Variants in RBPJ observed in about 807,000 individuals in gnomAD.
RBPJ encodes recombination signal binding protein for immunoglobulin kappa J region, also known as recombining binding protein suppressor of hairless.
Under a neutral mutation model 67.8 loss-of-function variants are expected in RBPJ, and 9 were observed. The ratio of observed to expected loss-of-function variants is 0.13; its 90% confidence interval spans 0.08 to 0.23. The LOEUF (loss-of-function observed/expected upper bound fraction) is 0.23. Ranked by LOEUF, RBPJ falls within the 10% of genes least tolerant of loss-of-function variation. RBPJ has a pLI of 1.00. For synonymous variants in RBPJ, 198 were observed against 203.3 expected (o/e 0.97, Z 0.22); for missense variants, 305 against 595.6 (o/e 0.51, Z 5.08).
At chr4:26,359,344 C>T (rs1244543566) in intron 1 of RBPJ, among the ~76,000 whole-genome samples, 2 of 151,678 alleles carry the variant, frequency 1.3e-5, no homozygotes, top group Non-Finnish European at 2.9e-5. Flanking sequence ...TAACCATTCC[C>T]CTGTGTTGGA....
At chr4:26,419,159 C>T (rs1237489997) in intron 4 of RBPJ, among the ~76,000 whole-genome samples, 1 of 151,902 alleles carries the variant, frequency 6.6e-6, no homozygotes, top group African/African-American at 2.4e-5. Flanking sequence ...TTGTGTTTTT[C>T]GTAGAGATGG....
At chr4:26,164,049 G>T (rs2109109074) in intron 1 of RBPJ, among the ~76,000 whole-genome samples, 1 of 152,306 alleles carries the variant, frequency 6.6e-6, no homozygotes, top group South Asian at 2.1e-4. Context: ...TAAATTTTTA[G>T]ATGTTTTCTT....
chr4:26,398,953 A>C (rs554345172), intron 2 of RBPJ, among the ~76,000 whole-genome samples: 101 of 152,318 alleles, frequency 6.6e-4, no homozygotes, highest in African/African-American at 2.3e-3. Flanking sequence ...CAGCTACTTA[A>C]AAGTACTCAG....
chr4:26,331,436 T>A (rs1724247560), intron 1 of RBPJ, among the ~76,000 whole-genome samples: 1 of 152,108 alleles, frequency 6.6e-6, no homozygotes, highest in African/African-American at 2.4e-5. Context: ...CTCAGCTGCC[T>A]TTTAATGTTA....
intron 1 of RBPJ, among the ~76,000 whole-genome samples, chr4:26,323,111 T>C (rs548729850): frequency 1.3e-5 from 2 of 151,954 alleles, no homozygotes; most frequent in African/African-American, 4.8e-5. Context: ...ATTAGTAGTT[T>C]GAGTTTTAAT....
intron 1 of RBPJ, among the ~76,000 whole-genome samples, chr4:26,302,152 TAAC>T (rs1023989015): frequency 1.3e-5 from 2 of 152,148 alleles, no homozygotes; most frequent in African/African-American, 4.8e-5. Context: ...TAGAAGAGTA[TAAC>T]AACAAGGAGA....
At position 26,431,821 on chromosome 4, in the gene RBPJ, GT is replaced by G. The variant is rs1736262926; in HGVS notation, c.*815del. 6.6e-6 allele frequency: 1 copy of G among 151,720 alleles called. No homozygotes were observed. Among genetic ancestry groups the G allele is most frequent in the Non-Finnish European group, 1.5e-5 (1 of 67,920 alleles). 9.4% of individuals were successfully genotyped at this position (151,720 alleles called of 1,614,324 possible). On this transcript the variant is annotated 3_prime_UTR_variant, in exon 11 of 11. Coordinates refer to ENST00000355476, the MANE Select transcript of RBPJ (RefSeq NM_015874.6). ...TCAGACACTGTTGGTAGTTATTTCT[GT>G]GTTTTCCTTTTTTTAAAAAAAAATA...
At chr4:26,244,005 G>A (rs1719736494) in intron 1 of RBPJ, among the ~76,000 whole-genome samples, 2 of 151,968 alleles carry the variant, frequency 1.3e-5, no homozygotes, top group South Asian at 4.2e-4. Flanking sequence ...TGAAGTGGGA[G>A]GATCACTTGA....
chr4:26,342,600 A>G (rs185826886), intron 1 of RBPJ, among the ~76,000 whole-genome samples: 348 of 152,348 alleles, frequency 2.3e-3, no homozygotes, highest in Non-Finnish European at 3.8e-3. Flanking sequence ...TAACCAGACA[A>G]GCCTCTCAGT....
upstream of RBPJ, among the ~76,000 whole-genome samples, chr4:26,317,295 T>C (rs1226995205): frequency 1.3e-5 from 2 of 148,766 alleles, no homozygotes; most frequent in Admixed American, 1.3e-4. Flanking sequence ...AAGAAAGGAG[T>C]GAGGGAATGA....
At chr4:26,168,790 A>G (rs1402958547) in intron 1 of RBPJ, among the ~76,000 whole-genome samples, 1 of 151,874 alleles carries the variant, frequency 6.6e-6, no homozygotes, top group Non-Finnish European at 1.5e-5. Context: ...TTTTTTCTCT[A>G]AACTTCCCTT....
chr4:26,344,383 T>C (rs903440446), intron 1 of RBPJ, among the ~76,000 whole-genome samples: 2 of 151,872 alleles, frequency 1.3e-5, no homozygotes, highest in South Asian at 2.1e-4. Context: ...TACAGGCGCC[T>C]GCCATCACGC....
At chr4:26,209,098 A>AATATATATAT (rs1553848908) in intron 1 of RBPJ, among the ~76,000 whole-genome samples, 14 of 146,960 alleles carry the variant, frequency 9.5e-5, no homozygotes, top group African/African-American at 3.5e-4. Context: ...GAAGAAAAAA[A>AATATATATAT]ATATATATAT....
At chr4:26,305,771 CTTTTTTTTT>C (rs71276617) in intron 1 of RBPJ, among the ~76,000 whole-genome samples, 4 of 67,770 alleles carry the variant, frequency 5.9e-5, no homozygotes, top group East Asian at 1.2e-3. Flanking sequence ...ATTTTCTTTT[CTTTTTTTTT>C]TTTTTTTTTT....
intron 1 of RBPJ, among the ~76,000 whole-genome samples, chr4:26,269,375 C>A (rs187903935): frequency 6.6e-6 from 1 of 151,896 alleles, no homozygotes; most frequent in South Asian, 2.1e-4. Context: ...CCTGCCTCAG[C>A]CTCCCGAGTA....
At chr4:26,349,639 A>G (rs1726592247) in intron 1 of RBPJ, among the ~76,000 whole-genome samples, 1 of 152,168 alleles carries the variant, frequency 6.6e-6, no homozygotes, top group South Asian at 2.1e-4. Flanking sequence ...AAAGTAATTG[A>G]TTTGGGGACC....
intron 1 of RBPJ, among the ~76,000 whole-genome samples, chr4:26,170,555 A>AAAG (rs1553845084): frequency 0.017 from 2,546 of 150,880 alleles, 38 homozygotes; most frequent in Non-Finnish European, 0.025. Context: ...AAAAAAAAAA[A>AAAG]AGGAATGGAA....
intron 1 of RBPJ, among the ~76,000 whole-genome samples, chr4:26,178,013 A>C (rs1983230): frequency 0.075 from 11,352 of 152,248 alleles, 935 homozygotes; most frequent in African/African-American, 0.2. Flanking sequence ...GATAGATTGA[A>C]AATGGCCACA....
chr4:26,424,628 C>T lies in RBPJ; in HGVS notation c.635-3C>T. ...ATTTGATTTATTTTTCCACCTACTG[C>T]AGTGGATGATGATGAATCAGAAGGA... On this transcript the variant is annotated splice_region_variant and splice_polypyrimidine_tract_variant and intron_variant, in intron 6 of 10. Coordinates refer to ENST00000355476, the MANE Select transcript of RBPJ (RefSeq NM_015874.6). The surrounding 1 kb of genome is among the most constrained non-coding windows in gnomAD (Gnocchi z 5.3). The T allele has an allele frequency of 6.3e-7, 1 of 1,590,356 alleles. No individual in the cohort carries two copies. Among genetic ancestry groups the T allele is most frequent in the Non-Finnish European group, 8.6e-7 (1 of 1,160,196 alleles).
Sources: allele counts gnomAD v4.1 joint callset (sites outside exome capture counted in the v4.1 genomes callset), GRCh38; gene constraint gnomAD v4.1.1; non-coding constraint Gnocchi (gnomAD v3.1); transcripts MANE v1.5; gene names NCBI Gene and HGNC (gene_info 2026-07-23, HGNC 2026-07-21).